Variants in MBD5 observed in about 807,000 individuals in gnomAD.
MBD5 encodes the protein methyl-CpG-binding domain protein 5.
Under a neutral mutation model 117.3 loss-of-function variants are expected in MBD5, and 13 were observed. That is an observed-to-expected ratio of 0.11 (90% CI 0.07 to 0.18). MBD5 has a LOEUF of 0.18. Ranked by LOEUF, MBD5 falls within the 10% of genes least tolerant of loss-of-function variation. The pLI is 1.00. For missense variants in MBD5, 1,879 were observed against 2,093.8 expected (o/e 0.90, Z 2.00); for synonymous variants, 727 against 766.4 (o/e 0.95, Z 0.85).
intron 4 of MBD5, among the ~76,000 whole-genome samples, chr2:148,394,222 T>G (rs1326847206): frequency 6.6e-6 from 1 of 152,182 alleles, no homozygotes. Context: ...AAATAATAAC[T>G]TGAGTAGCTT....
intron 2 of MBD5, among the ~76,000 whole-genome samples, chr2:148,202,533 A>T (rs1280227555): frequency 2.0e-5 from 3 of 152,094 alleles, no homozygotes; most frequent in African/African-American, 7.2e-5. Flanking sequence ...GGTTGAAGGG[A>T]TTACAAGGCC....
chr2:148,514,308 T>C lies in MBD5; in HGVS notation c.*1367T>C, dbSNP rs1049783158. ...ATACAAACCTAAAACTGTGAGCCATTGTAAAGTACAAGGTAATTAATAAGA... is the reference window on the plus strand; with the variant it reads ...ATACAAACCTAAAACTGTGAGCCATCGTAAAGTACAAGGTAATTAATAAGA... On this transcript the variant is annotated 3_prime_UTR_variant, in exon 14 of 14. Transcript: ENST00000642680. The C allele has an allele frequency of 6.6e-6, 1 of 152,192 alleles. No homozygotes were observed. The highest frequency in any genetic ancestry group is 2.4e-5 in the African/African-American group (1 of 41,446). The allele number at this position is 152,192 out of a possible 1,614,324, so 9.4% of individuals were successfully genotyped here.
chr2:148,348,573 A>T (rs1441716249), intron 4 of MBD5, among the ~76,000 whole-genome samples: 1 of 152,040 alleles, frequency 6.6e-6, no homozygotes, highest in Non-Finnish European at 1.5e-5. Context: ...TAATTAAGAA[A>T]TTTTTTGAGA....
At chr2:148,132,167 A>G (rs1414410265) in intron 1 of MBD5, among the ~76,000 whole-genome samples, 1 of 152,114 alleles carries the variant, frequency 6.6e-6, no homozygotes, top group Non-Finnish European at 1.5e-5. Context: ...TGCCTCGCAC[A>G]TTGAAAGTGT....
intron 4 of MBD5, among the ~76,000 whole-genome samples, chr2:148,364,821 G>A (rs1234745094): frequency 1.3e-5 from 2 of 152,066 alleles, no homozygotes; most frequent in African/African-American, 4.8e-5. Context: ...ACCCAATAGG[G>A]GAGCACCCAG....
At chr2:148,034,653 C>T (rs1235902876) in intron 1 of MBD5, among the ~76,000 whole-genome samples, 1 of 152,154 alleles carries the variant, frequency 6.6e-6, no homozygotes, top group Non-Finnish European at 1.5e-5. Context: ...GAGGAACATA[C>T]TTAATGAAGT....
intron 3 of MBD5, among the ~76,000 whole-genome samples, chr2:148,328,627 T>C (rs1051224356): frequency 1.3e-5 from 2 of 152,218 alleles, no homozygotes; most frequent in Admixed American, 6.5e-5. Context: ...GTCACCACTT[T>C]CTTTGACTAG....
At chr2:148,172,008 A>G (rs893620736) in intron 1 of MBD5, among the ~76,000 whole-genome samples, 1 of 152,236 alleles carries the variant, frequency 6.6e-6, no homozygotes, top group African/African-American at 2.4e-5. Context: ...CCCCATCTCT[A>G]CAAAGAATTT....
At chr2:148,438,941 A>T (rs1312613159) in intron 4 of MBD5, among the ~76,000 whole-genome samples, 1 of 152,180 alleles carries the variant, frequency 6.6e-6, no homozygotes, top group Non-Finnish European at 1.5e-5. Context: ...TCACAGATAC[A>T]CTAAAAATAA....
chr2:148,441,340 G>C (rs1020582761), intron 4 of MBD5, among the ~76,000 whole-genome samples: 21 of 152,032 alleles, frequency 1.4e-4, no homozygotes, highest in Non-Finnish European at 2.6e-4. Flanking sequence ...CCACCTATGA[G>C]TGAGAACATG....
intron 4 of MBD5, among the ~76,000 whole-genome samples, chr2:148,381,497 G>C (rs1574357754): frequency 6.6e-6 from 1 of 152,340 alleles, no homozygotes; most frequent in East Asian, 1.9e-4. Flanking sequence ...GTACCTGAAA[G>C]TGACGGGGAG....
At chr2:148,165,318 T>G (rs1459424501) in intron 1 of MBD5, among the ~76,000 whole-genome samples, 2 of 152,126 alleles carry the variant, frequency 1.3e-5, no homozygotes, top group African/African-American at 4.8e-5. Flanking sequence ...ATTAAATATG[T>G]TAACTCTAAT....
chr2:148,124,358 C>T (rs934130675), intron 1 of MBD5, among the ~76,000 whole-genome samples: 28 of 152,022 alleles, frequency 1.8e-4, no homozygotes, highest in Non-Finnish European at 2.9e-4. Flanking sequence ...GCTTACACTG[C>T]TTGGGCCCAG....
chr2:148,317,101 C>G (rs1327837848), intron 3 of MBD5, among the ~76,000 whole-genome samples: 1 of 152,178 alleles, frequency 6.6e-6, no homozygotes. Flanking sequence ...GTAATCCCAG[C>G]ACTTTGGGAG....
intron 3 of MBD5, among the ~76,000 whole-genome samples, chr2:148,286,149 G>A (rs1480943119): frequency 3.3e-5 from 5 of 152,058 alleles, no homozygotes; most frequent in Admixed American, 2.0e-4. Flanking sequence ...TTAGTAGCTG[G>A]ATTATTTGTC....
chr2:148,234,119 C>G (rs1287455816), intron 3 of MBD5, among the ~76,000 whole-genome samples: 1 of 151,800 alleles, frequency 6.6e-6, no homozygotes, highest in African/African-American at 2.4e-5. Context: ...AGGAATCTGG[C>G]TTTTTTTCTA....
intron 4 of MBD5, among the ~76,000 whole-genome samples, chr2:148,412,979 G>T (rs918972839): frequency 1.3e-5 from 2 of 152,010 alleles, no homozygotes; most frequent in Non-Finnish European, 2.9e-5. Flanking sequence ...CTCTGGCCAG[G>T]ACTTCCAGTA....
intron 2 of MBD5, among the ~76,000 whole-genome samples, chr2:148,205,345 T>G (rs573489557): frequency 5.9e-5 from 9 of 152,242 alleles, no homozygotes; most frequent in African/African-American, 2.2e-4. Flanking sequence ...CTACCTTGGC[T>G]TCCCAAATTG....
chr2:148,456,054 T>G (rs916703050), intron 4 of MBD5, among the ~76,000 whole-genome samples: 2 of 152,152 alleles, frequency 1.3e-5, no homozygotes, highest in Non-Finnish European at 2.9e-5. Flanking sequence ...ATCCCTCCCG[T>G]CCTCTTTCCT....
Sources: gnomAD v4.1 joint callset for allele counts (sites outside exome capture counted in the v4.1 genomes callset) on GRCh38, gnomAD v4.1.1 for gene constraint, MANE v1.5 for transcripts, NCBI Gene and HGNC (gene_info 2026-07-23, HGNC 2026-07-21) for gene names.